The following KCNJ6 variants were observed in gnomAD, a reference collection of about 807,000 sequenced individuals.
KCNJ6 encodes the protein G protein-activated inward rectifier potassium channel 2.
Under a neutral mutation model 34.2 loss-of-function variants are expected in KCNJ6, and 9 were observed. The ratio of observed to expected loss-of-function variants is 0.26; its 90% CI spans 0.16 to 0.46. The LOEUF (loss-of-function observed/expected upper bound fraction) is 0.46, where lower values mean the gene tolerates loss of function less well. KCNJ6 is among the 20% of genes least tolerant of loss of function. KCNJ6 has a pLI of 1.00. For synonymous variants in KCNJ6, 196 were observed against 207.1 expected, an observed-to-expected ratio of 0.95 and a Z score of 0.46; for missense variants, 236 against 531.3, an observed-to-expected ratio of 0.44 and a Z score of 5.46.
chr21:37,859,530 TAA>T (rs774425514), intron 1 of KCNJ6, among the ~76,000 whole-genome samples: 3,667 of 91,834 alleles, frequency 0.04, 131 homozygotes, highest in African/African-American at 0.065. Flanking sequence ...TATATATATA[TAA>T]AATACTTAAA....
In KCNJ6 at chr21:37,645,022, T is replaced by G. The variant is rs200987690; in HGVS notation, c.947-19538A>C. Among the ~76,000 whole-genome samples the G allele has an allele frequency of 4.5e-3, 273 of 60,160 alleles. 1 individual carries two copies. The highest frequency in any genetic ancestry group is 0.019 in the African/African-American group (255 of 13,654). The allele number at this position is 60,160 out of a possible 152,430, so 39.5% of individuals were successfully genotyped here. A position where few individuals can be genotyped will look rare whatever the true frequency, so the allele number is the denominator to read the frequency against. ...GGTTGCAAGAAAACAGGTGGGTTTT[T>G]TTTTTTTTTTTTTGTGAAAAAACAG... On this transcript the variant is annotated intron_variant, in intron 3 of 3. Transcript: ENST00000609713.
At chr21:37,899,875 T>C (rs2055808092) in intron 1 of KCNJ6, among the ~76,000 whole-genome samples, 2 of 152,242 alleles carry the variant, frequency 1.3e-5, no homozygotes, top group Admixed American at 6.5e-5. Flanking sequence ...AGTTCCACTA[T>C]GCAAAGGTGT....
At chr21:37,655,238 A>T (rs1431023873) in intron 3 of KCNJ6, among the ~76,000 whole-genome samples, 2 of 6,284 alleles carry the variant, frequency 3.2e-4, no homozygotes, top group African/African-American at 2.0e-3. Flanking sequence ...AGAGAGAGAG[A>T]GAGAGAGAGA....
intron 1 of KCNJ6, among the ~76,000 whole-genome samples, chr21:37,865,046 G>A (rs545563751): frequency 2.4e-4 from 37 of 152,258 alleles, no homozygotes; most frequent in Middle Eastern, 3.4e-3. Context: ...TTCAAGAGAA[G>A]CTGGTTTCCT....
Position 37,890,190 on chromosome 21 carries a change from G to A in KCNJ6, c.-28+25694C>T, listed in dbSNP as rs572861923. On this transcript the variant is annotated intron_variant, in intron 1 of 3. Coordinates refer to ENST00000609713, the MANE Select transcript of KCNJ6 (RefSeq NM_002240.5). Reference sequence around the variant, plus strand: ...AAAACTTACAATTATAGCAGAAGAGGAAGCAAGCACATCCTTCTTCACACG... The same window carrying A: ...AAAACTTACAATTATAGCAGAAGAGAAAGCAAGCACATCCTTCTTCACACG... Among the ~76,000 whole-genome samples, 3 of 152,326 alleles carry A rather than the reference G, an allele frequency of 2.0e-5. No individual in the cohort carries two copies. In the South Asian group the frequency reaches 6.2e-4, roughly 32 times the overall value.
At chr21:37,636,447 C>G (rs191645702) in intron 3 of KCNJ6, among the ~76,000 whole-genome samples, 1 of 152,148 alleles carries the variant, frequency 6.6e-6, no homozygotes, top group South Asian at 2.1e-4. Context: ...TATTTCATTC[C>G]GCAGTTTCTC....
At chr21:37,859,461 A>AATTTGATACTATTT (rs144363778) in intron 1 of KCNJ6, among the ~76,000 whole-genome samples, 3 of 130,080 alleles carry the variant, frequency 2.3e-5, no homozygotes, top group Non-Finnish European at 4.8e-5. Flanking sequence ...CATTGTCCAC[A>AATTTGATACTATTT]ATTTTAACTA....
At chr21:37,849,598 T>C (rs948602826) in intron 1 of KCNJ6, among the ~76,000 whole-genome samples, 5 of 152,202 alleles carry the variant, frequency 3.3e-5, no homozygotes, top group Admixed American at 6.5e-5. Flanking sequence ...CTTCCAGCCA[T>C]GGTCTCCACC....
At chr21:37,712,488 T>TCCCTCCCTCCTCCC (rs2054759277) in intron 3 of KCNJ6, among the ~76,000 whole-genome samples, 1 of 96,226 alleles carries the variant, frequency 1.0e-5, no homozygotes, top group Non-Finnish European at 2.5e-5. Flanking sequence ...CCCTTTCTCT[T>TCCCTCCCTCCTCCC]CCCTCCCTCC....
At chr21:37,901,536 TTGA>T (rs1488499110) in intron 1 of KCNJ6, among the ~76,000 whole-genome samples, 4 of 152,190 alleles carry the variant, frequency 2.6e-5, no homozygotes, top group Admixed American at 2.6e-4. Context: ...CCGTAAAACT[TTGA>T]TGATTGAGAA....
intron 1 of KCNJ6, among the ~76,000 whole-genome samples, chr21:37,893,770 A>C (rs997355890): frequency 1.3e-5 from 2 of 152,114 alleles, no homozygotes; most frequent in Non-Finnish European, 2.9e-5. Flanking sequence ...CCATTTGAAA[A>C]TATTTATTTT....
intron 2 of KCNJ6, among the ~76,000 whole-genome samples, chr21:37,810,347 T>C (rs1222447538): frequency 6.6e-6 from 1 of 152,234 alleles, no homozygotes; most frequent in African/African-American, 2.4e-5. Context: ...AAACTTGGAA[T>C]GAGCAACCTT....
At chr21:37,759,460 C>A (rs2055049145) in intron 2 of KCNJ6, among the ~76,000 whole-genome samples, 1 of 152,198 alleles carries the variant, frequency 6.6e-6, no homozygotes, top group South Asian at 2.1e-4. Context: ...GGGCTGCAGG[C>A]ACCCTGACCG....
At chr21:37,820,819 A>G (rs1228822930) in intron 2 of KCNJ6, among the ~76,000 whole-genome samples, 1 of 152,228 alleles carries the variant, frequency 6.6e-6, no homozygotes, top group Non-Finnish European at 1.5e-5. Flanking sequence ...ACACTGACCA[A>G]AAACCATGAG....
chr21:37,763,949 A>G (rs2055078431), intron 2 of KCNJ6, among the ~76,000 whole-genome samples: 1 of 152,216 alleles, frequency 6.6e-6, no homozygotes, highest in Non-Finnish European at 1.5e-5. Flanking sequence ...CTTAAAGTAT[A>G]ATAAAATAAA....
chr21:37,890,812 C>CCGCCT (rs1276142410), intron 1 of KCNJ6, among the ~76,000 whole-genome samples: 1 of 152,114 alleles, frequency 6.6e-6, no homozygotes, highest in Non-Finnish European at 1.5e-5. Flanking sequence ...CTGACTCTGC[C>CCGCCT]CGCCTCCCCC....
intron 1 of KCNJ6, among the ~76,000 whole-genome samples, chr21:37,907,868 T>C (rs2123651506): frequency 6.6e-6 from 1 of 152,350 alleles, no homozygotes; most frequent in East Asian, 1.9e-4. Context: ...CTTCTGCACA[T>C]AGATTGTTGG....
rs978065967 is a variant in KCNJ6, at chr21:37,863,942, A to G, written c.-27-23233T>C. Among the ~76,000 whole-genome samples, 3 of 145,454 alleles carry G rather than the reference A, an allele frequency of 2.1e-5. No individual in the cohort carries two copies. In the East Asian group the frequency reaches 6.2e-4, roughly 30 times the overall value. The stretch of plus-strand genomic sequence containing the variant: ...TGGAGGTTGAGTTTAAACTGCTTGA[A>G]ATGATGGGACCTCAGGAAAGACCAT... On this transcript the variant is annotated intron_variant, in intron 1 of 3. Coordinates refer to ENST00000609713, the MANE Select transcript of KCNJ6 (RefSeq NM_002240.5).
intron 3 of KCNJ6, among the ~76,000 whole-genome samples, chr21:37,659,802 G>A (rs2054480071): frequency 6.6e-6 from 1 of 152,144 alleles, no homozygotes; most frequent in South Asian, 2.1e-4. Flanking sequence ...TCCACTTTTG[G>A]CTTCTTCATG....
Sources: allele counts gnomAD v4.1 joint callset (sites outside exome capture counted in the v4.1 genomes callset), GRCh38; gene constraint gnomAD v4.1.1; transcripts MANE v1.5; gene names NCBI Gene and HGNC (gene_info 2026-07-23, HGNC 2026-07-21).